Variants in ZNF652 observed in about 807,000 individuals in gnomAD.
The protein encoded by ZNF652 is zinc finger protein 652.
ZNF652 carries 16 observed loss-of-function variants against 45.2 expected under a neutral mutation model. The observed-to-expected ratio is 0.35, with a 90% CI of 0.24 to 0.54. ZNF652 has a LOEUF of 0.54. ZNF652 is among the 20% of genes least tolerant of loss of function. The pLI is 0.91. For synonymous variants in ZNF652, 250 were observed against 260.6 expected (o/e 0.96, Z 0.39); for missense variants, 614 against 765.6 (o/e 0.80, Z 2.34).
chr17:49,351,010 TATATACACACACACACACAC>T (rs2070272303), intron 1 of ZNF652, among the ~76,000 whole-genome samples: 14 of 19,648 alleles, frequency 7.1e-4, no homozygotes, highest in African/African-American at 3.5e-3. Context: ...TATATATATA[TATATACACACACACACACAC>T]ACACACACAC....
At chr17:49,350,281 G>GT (rs1174810579) in intron 1 of ZNF652, among the ~76,000 whole-genome samples, 4 of 152,032 alleles carry the variant, frequency 2.6e-5, no homozygotes, top group African/African-American at 9.7e-5. Context: ...GCTCATGCCT[G>GT]TAATCCCAGC....
At chr17:49,349,777 C>T (rs1346203590) in intron 1 of ZNF652, among the ~76,000 whole-genome samples, 1 of 152,154 alleles carries the variant, frequency 6.6e-6, no homozygotes, top group Non-Finnish European at 1.5e-5. Flanking sequence ...AATCATGTTT[C>T]TGCATGGAAT....
chr17:49,319,501 C>T (rs2069858122), intron 1 of ZNF652, among the ~76,000 whole-genome samples: 1 of 151,928 alleles, frequency 6.6e-6, no homozygotes, highest in African/African-American at 2.4e-5. Flanking sequence ...AGCATAGCGG[C>T]TCATGCCTGT....
At chr17:49,338,909 T>C (rs1249862748) in intron 1 of ZNF652, among the ~76,000 whole-genome samples, 4 of 152,048 alleles carry the variant, frequency 2.6e-5, no homozygotes. Flanking sequence ...GCCAAGAGAT[T>C]AAAAAAGACA....
At position 49,293,992 on chromosome 17, in the gene ZNF652, C is replaced by T. The variant is rs889154060; in HGVS notation, c.*4421G>A. Among the ~76,000 whole-genome samples the T allele has an allele frequency of 6.6e-6, 1 of 151,882 alleles. No homozygotes were observed. Among genetic ancestry groups the T allele is most frequent in the Non-Finnish European group, 1.5e-5 (1 of 67,962 alleles). On this transcript the variant is annotated 3_prime_UTR_variant, in exon 6 of 6. Coordinates refer to ENST00000430262, the MANE Select transcript of ZNF652 (RefSeq NM_001145365.3). ...TAGTTTTTTTTTAAAACATTAAAAC[C>T]GACCTATCATTCTGTGTTTTACTAA...
intron 1 of ZNF652, among the ~76,000 whole-genome samples, chr17:49,333,405 T>C (rs1206106207): frequency 6.7e-6 from 1 of 148,688 alleles, no homozygotes; most frequent in Non-Finnish European, 1.5e-5. Context: ...TGAAGACATT[T>C]CTCTAAAGAA....
At chr17:49,320,705 A>G (rs972359554) in intron 1 of ZNF652, among the ~76,000 whole-genome samples, 5 of 152,224 alleles carry the variant, frequency 3.3e-5, no homozygotes, top group African/African-American at 1.2e-4. Context: ...TATTATCTCA[A>G]ATTAAGTAAG....
At chr17:49,346,718 A>G (rs887929408) in intron 1 of ZNF652, among the ~76,000 whole-genome samples, 2 of 152,204 alleles carry the variant, frequency 1.3e-5, no homozygotes, top group African/African-American at 4.8e-5. Context: ...GAGGAAATCA[A>G]CTCTGATTTT....
At chr17:49,352,712 C>T (rs779682822) in intron 1 of ZNF652, among the ~76,000 whole-genome samples, 1 of 152,150 alleles carries the variant, frequency 6.6e-6, no homozygotes, top group Non-Finnish European at 1.5e-5. Flanking sequence ...TCATAATCAC[C>T]CGAAACTGGA....
rs1459510536 is a variant in ZNF652 at position 49,317,407 on chromosome 17, C to T, written c.319G>A (p.Glu107Lys). 1 of 1,614,176 alleles carries T rather than the reference C, an allele frequency of 6.2e-7. No individual in the cohort carries two copies. The highest frequency in any genetic ancestry group is 2.2e-5 in the East Asian group (1 of 44,886). ...RENSDDTEEE[E>K]EEVSYKREQI... ...TCCCTTTTGTAAGAGACTTCTTCCT[C>T]TTCCTCCTCTGTGTCATCAGAATTC... Residue 107 changes from glutamate (E) to lysine (K), a missense_variant, in exon 2 of 6, where the codon GAG (glutamate) becomes AAG (lysine). Physicochemically the swap from Glu to Lys is moderately conservative, Grantham distance 56. Transcript: ENST00000430262.
chr17:49,341,321 T>G (rs1043249984), intron 1 of ZNF652, among the ~76,000 whole-genome samples: 2 of 150,520 alleles, frequency 1.3e-5, no homozygotes, highest in Non-Finnish European at 3.0e-5. Context: ...GCACATCAAC[T>G]GAAAAAAAAA....
At chr17:49,323,668 C>A (rs2069923179) in intron 1 of ZNF652, among the ~76,000 whole-genome samples, 1 of 152,168 alleles carries the variant, frequency 6.6e-6, no homozygotes, top group Non-Finnish European at 1.5e-5. Context: ...CCATGGGCCA[C>A]AGAATGAATG....
At chr17:49,336,047 CAG>C (rs2070076702) in intron 1 of ZNF652, among the ~76,000 whole-genome samples, 1 of 151,138 alleles carries the variant, frequency 6.6e-6, no homozygotes, top group Non-Finnish European at 1.5e-5. Flanking sequence ...TGTTTTGATA[CAG>C]AGTCTCCCGC....
chr17:49,304,682 A>T (rs1391703204), intron 5 of ZNF652, among the ~76,000 whole-genome samples: 1 of 152,138 alleles, frequency 6.6e-6, no homozygotes, highest in African/African-American at 2.4e-5. Flanking sequence ...GATAAAGCTA[A>T]CCTAATTGTA....
chr17:49,323,829 C>T (rs2069925047), intron 1 of ZNF652, among the ~76,000 whole-genome samples: 1 of 152,166 alleles, frequency 6.6e-6, no homozygotes, highest in Admixed American at 6.5e-5. Context: ...TTAAAATATT[C>T]AGTAAACCAC....
At chr17:49,305,059 G>T (rs1450548088) in intron 5 of ZNF652, among the ~76,000 whole-genome samples, 1 of 152,036 alleles carries the variant, frequency 6.6e-6, no homozygotes. Context: ...TAGCAAACCT[G>T]CTCTTCCCTC....
At chr17:49,343,106 T>C (rs1015888763) in intron 1 of ZNF652, among the ~76,000 whole-genome samples, 2 of 152,166 alleles carry the variant, frequency 1.3e-5, no homozygotes, top group Admixed American at 1.3e-4. Flanking sequence ...GGTCTTGAGC[T>C]CCTGACCTCA....
chr17:49,350,454 G>A (rs935280495), intron 1 of ZNF652, among the ~76,000 whole-genome samples: 1 of 151,372 alleles, frequency 6.6e-6, no homozygotes, highest in South Asian at 2.1e-4. Flanking sequence ...CAGGAGAATC[G>A]CTTGAACCTG....
In ZNF652 at chr17:49,291,997, C is replaced by G. The variant is rs1249356866; in HGVS notation, c.*6416G>C. On this transcript the variant is annotated 3_prime_UTR_variant, in exon 6 of 6. Coordinates refer to ENST00000430262, the MANE Select transcript of ZNF652 (RefSeq NM_001145365.3). ...CTCACCAATAATATCTTTCCTGTTGCCAGACAGGAAAGATGGAGAATGTAT... is the reference window on the plus strand; with the variant it reads ...CTCACCAATAATATCTTTCCTGTTGGCAGACAGGAAAGATGGAGAATGTAT... 1.3e-5 allele frequency among the ~76,000 whole-genome samples: 2 copies of G among 152,080 alleles called. No homozygotes were observed. The highest frequency in any genetic ancestry group is 4.8e-5 in the African/African-American group (2 of 41,402).
Sources: allele counts gnomAD v4.1 joint callset (sites outside exome capture counted in the v4.1 genomes callset), GRCh38; gene constraint gnomAD v4.1.1; transcripts MANE v1.5; gene names NCBI Gene and HGNC (gene_info 2026-07-23, HGNC 2026-07-21).